PHF20: variants seen among roughly 807,000 people sequenced by gnomAD.
PHF20 encodes the protein glioma-expressed antigen 2.
In PHF20, 23 loss-of-function variants were observed where a neutral mutation model predicts 113.5. The observed-to-expected ratio is 0.20, with a 90% CI of 0.15 to 0.29. The LOEUF (loss-of-function observed/expected upper bound fraction) is 0.29, where lower values mean the gene tolerates loss of function less well. Ranked by LOEUF, PHF20 falls within the 10% of genes least tolerant of loss-of-function variation. PHF20 has a pLI of 1.00. For synonymous variants in PHF20, 434 were observed against 457.3 expected, an observed-to-expected ratio of 0.95 and a Z score of 0.65; for missense variants, 943 against 1,219.6, an observed-to-expected ratio of 0.77 and a Z score of 3.38.
At chr20:35,800,035 A>G (rs2041748821) in intron 1 of PHF20, 1 of 152,156 alleles carries the variant, frequency 6.6e-6, no homozygotes, top group Admixed American at 6.6e-5. Flanking sequence ...TTTTCCATCA[A>G]AAGGAAATTG....
At chr20:35,942,498 C>T (rs928665162) in intron 17 of PHF20, among the ~76,000 whole-genome samples, 1 of 152,198 alleles carries the variant, frequency 6.6e-6, no homozygotes, top group Non-Finnish European at 1.5e-5. Context: ...AGTCTACTCA[C>T]ATCTTACTTC....
intron 2 of PHF20, among the ~76,000 whole-genome samples, chr20:35,802,514 G>T (rs1239748462): frequency 6.6e-6 from 1 of 152,020 alleles, no homozygotes; most frequent in East Asian, 1.9e-4. Context: ...TTGAGCTAAA[G>T]AAGGAAGAGT....
chr20:35,903,916 C>T (rs575820368), intron 10 of PHF20, among the ~76,000 whole-genome samples: 3 of 152,308 alleles, frequency 2.0e-5, no homozygotes, highest in East Asian at 1.9e-4. Flanking sequence ...GGCATCACCC[C>T]TTACCTTTCT....
At chr20:35,834,080 AAAT>A (rs2042398199) in intron 2 of PHF20, among the ~76,000 whole-genome samples, 1 of 150,836 alleles carries the variant, frequency 6.6e-6, no homozygotes, top group Non-Finnish European at 1.5e-5. Context: ...ATAAATAAAT[AAAT>A]AAAAAGGCGG....
At chr20:35,835,557 T>C (rs2042425262) in intron 2 of PHF20, among the ~76,000 whole-genome samples, 1 of 152,198 alleles carries the variant, frequency 6.6e-6, no homozygotes, top group Admixed American at 6.5e-5. Flanking sequence ...AAATGAATGA[T>C]GCATGAAACC....
intron 15 of PHF20, among the ~76,000 whole-genome samples, chr20:35,933,354 T>C (rs1328447282): frequency 4.6e-5 from 7 of 151,486 alleles, no homozygotes; most frequent in Admixed American, 4.0e-4. Flanking sequence ...TGCCTTAAAC[T>C]CCTGAGTTGC....
At chr20:35,848,521 G>A (rs1006032398) in intron 4 of PHF20, among the ~76,000 whole-genome samples, 1 of 152,070 alleles carries the variant, frequency 6.6e-6, no homozygotes, top group African/African-American at 2.4e-5. Flanking sequence ...AAAGTTTTGG[G>A]ATTATAAGCG....
chr20:35,844,256 CCA>C (rs1482710813), intron 3 of PHF20, among the ~76,000 whole-genome samples: 2 of 151,932 alleles, frequency 1.3e-5, no homozygotes, highest in Non-Finnish European at 2.9e-5. Context: ...GTGCGTGCCA[CCA>C]CACCTGGCTA....
intron 13 of PHF20, among the ~76,000 whole-genome samples, chr20:35,918,751 A>G (rs2055453067): frequency 6.6e-6 from 1 of 152,162 alleles, no homozygotes; most frequent in Non-Finnish European, 1.5e-5. Flanking sequence ...CCCCTGGTCT[A>G]GTTGTCTGAT....
At chr20:35,898,229 A>G (rs1012998954) in intron 9 of PHF20, among the ~76,000 whole-genome samples, 1 of 152,188 alleles carries the variant, frequency 6.6e-6, no homozygotes, top group African/African-American at 2.4e-5. Context: ...TACGTGTTGA[A>G]ATCTCAAAGA....
intron 9 of PHF20, among the ~76,000 whole-genome samples, chr20:35,892,210 AC>A (rs1392979125): frequency 7.0e-6 from 1 of 143,030 alleles, no homozygotes; most frequent in African/African-American, 2.6e-5. Context: ...GGCATGCACC[AC>A]CACGCCTGGC....
chr20:35,780,479 G>T (rs1399196492), intron 1 of PHF20, among the ~76,000 whole-genome samples: 1 of 151,558 alleles, frequency 6.6e-6, no homozygotes, highest in Non-Finnish European at 1.5e-5. Flanking sequence ...ATCCGCCTCG[G>T]CCTCCCAAAG....
intron 3 of PHF20, among the ~76,000 whole-genome samples, chr20:35,844,074 G>A (rs1011623961): frequency 6.6e-5 from 10 of 152,022 alleles, no homozygotes; most frequent in African/African-American, 2.4e-4. Flanking sequence ...CAGAGTGGGA[G>A]CGGGCTCAAG....
At chr20:35,877,106 C>CAA (rs760494622) in intron 9 of PHF20, among the ~76,000 whole-genome samples, 7 of 32,350 alleles carry the variant, frequency 2.2e-4, no homozygotes, top group African/African-American at 4.0e-4. Context: ...GACTCTGTCT[C>CAA]AAAAAAAAAA....
chr20:35,847,365 G>C lies in PHF20; in HGVS notation c.271G>C (p.Glu91Gln). ...EDGSSEFQIN[E>Q]QVLACWSDCR... Reference sequence around the variant, plus strand: ...TGTTTTTTAGGAATTTCAAATAAATGAGCAGGTCCTTGCTTGCTGGTCTGA... The same window carrying C: ...TGTTTTTTAGGAATTTCAAATAAATCAGCAGGTCCTTGCTTGCTGGTCTGA... Residue 91 changes from glutamate (E) to glutamine (Q), a missense_variant, in exon 4 of 18, where the codon GAG becomes CAG. Physicochemically the swap from Glu to Gln is conservative, Grantham distance 29. Around this residue, in one of 3 missense-constraint regions of PHF20, gnomAD observed 592 missense variants for 787.2 expected, o/e 0.75. Coordinates refer to ENST00000374012, the MANE Select transcript of PHF20 (RefSeq NM_016436.5). The C allele has an allele frequency of 1.9e-6, 3 of 1,581,938 alleles. No homozygotes were observed. The highest frequency in any genetic ancestry group is 2.6e-6 in the Non-Finnish European group (3 of 1,155,444).
intron 4 of PHF20, chr20:35,855,145 A>G: frequency 2.6e-6 from 1 of 390,286 alleles, no homozygotes; most frequent in South Asian, 3.8e-5. Context: ...CCATCCCCCC[A>G]TCTCCGTCCC....
At chr20:35,851,994 A>G (rs1488950783) in intron 4 of PHF20, among the ~76,000 whole-genome samples, 1 of 151,918 alleles carries the variant, frequency 6.6e-6, no homozygotes, top group East Asian at 1.9e-4. Flanking sequence ...TTGGTCTGTG[A>G]CAGGCCCTGT....
chr20:35,822,426 A>C (rs957597408), intron 2 of PHF20, among the ~76,000 whole-genome samples: 1 of 135,104 alleles, frequency 7.4e-6, no homozygotes, highest in African/African-American at 3.0e-5. Context: ...CCCTGTTTCA[A>C]AAAAAAAAAG....
intron 9 of PHF20, among the ~76,000 whole-genome samples, chr20:35,880,096 G>A (rs528865276): frequency 2.2e-4 from 33 of 152,288 alleles, no homozygotes; most frequent in African/African-American, 7.5e-4. Flanking sequence ...TAACTGTTGC[G>A]TATGCAAAGA....
Sources: allele counts gnomAD v4.1 joint callset (sites outside exome capture counted in the v4.1 genomes callset), GRCh38; gene constraint gnomAD v4.1.1; regional missense constraint gnomAD v4.1.1; transcripts MANE v1.5; gene names NCBI Gene and HGNC (gene_info 2026-07-23, HGNC 2026-07-21).